The following SHTN1 variants were observed in gnomAD, a reference collection of about 807,000 sequenced individuals.
SHTN1 encodes the protein shootin-1.
SHTN1 carries 42 observed loss-of-function variants against 83.1 expected under a neutral mutation model. The ratio of observed to expected loss-of-function variants is 0.51; its 90% CI spans 0.39 to 0.65. The LOEUF (loss-of-function observed/expected upper bound fraction) is 0.65, where lower values mean the gene tolerates loss of function less well. SHTN1 is among the 30% of genes least tolerant of loss of function. The pLI, the probability that SHTN1 is intolerant of heterozygous loss-of-function variation, is 0.00. For missense variants in SHTN1, 622 were observed against 737.8 expected (o/e 0.84, Z 1.82); for synonymous variants, 224 against 247.7 (o/e 0.90, Z 0.90).
At chr10:117,053,694 T>C (rs113647395) in intron 1 of SHTN1, among the ~76,000 whole-genome samples, 3,618 of 152,342 alleles carry the variant, frequency 0.024, 136 homozygotes, top group African/African-American at 0.079. Context: ...GAAAACAGTT[T>C]GGTAGTTCCT....
intron 1 of SHTN1, among the ~76,000 whole-genome samples, chr10:116,979,680 C>G (rs1408903836): frequency 6.6e-6 from 1 of 152,200 alleles, no homozygotes. Flanking sequence ...ACCCATGATC[C>G]AGGAGAGGTG....
At chr10:116,919,821 A>G (rs1848490147) in intron 12 of SHTN1, among the ~76,000 whole-genome samples, 1 of 151,552 alleles carries the variant, frequency 6.6e-6, no homozygotes, top group African/African-American at 2.4e-5. Flanking sequence ...GTGCAGAGGA[A>G]TAGATTCCAA....
intron 1 of SHTN1, among the ~76,000 whole-genome samples, chr10:117,063,908 A>G (rs1388719513): frequency 2.0e-5 from 3 of 152,102 alleles, no homozygotes; most frequent in Non-Finnish European, 4.4e-5. Flanking sequence ...CTTTTTTTCT[A>G]AACAAGAACT....
In SHTN1 at chr10:116,954,082, G is replaced by T; in HGVS notation, c.396C>A (p.Ala132=). The T allele has an allele frequency of 6.2e-7, 1 of 1,613,288 alleles. No homozygotes were observed. The highest frequency in any genetic ancestry group is 8.5e-7 in the Non-Finnish European group (1 of 1,179,746). Reference sequence around the variant, plus strand: ...GACACTGTACTGAGACACAAGTCTCGGCGGCACCGTCTGTGTCTGTAGTCG... The same window carrying T: ...GACACTGTACTGAGACACAAGTCTCTGCGGCACCGTCTGTGTCTGTAGTCG... ...EDSTTDTDGA[A]ETCVSVQCQK... Residue 132 remains alanine (A), a synonymous_variant, in exon 5 of 17, where the codon GCC becomes GCA. Coordinates refer to ENST00000355371, the MANE Select transcript of SHTN1 (RefSeq NM_001127211.3).
At chr10:116,935,938 T>C (rs1849142522) in intron 9 of SHTN1, among the ~76,000 whole-genome samples, 1 of 152,246 alleles carries the variant, frequency 6.6e-6, no homozygotes, top group African/African-American at 2.4e-5. Flanking sequence ...TTCTAGATTT[T>C]CTAGTTTATT....
chr10:117,013,062 C>A (rs1852132639), intron 2 of SHTN1, among the ~76,000 whole-genome samples: 1 of 151,438 alleles, frequency 6.6e-6, no homozygotes. Flanking sequence ...AGAACAAGAC[C>A]CCATCTCTAA....
chr10:116,979,248 G>A lies in SHTN1; in HGVS notation c.111+8C>T, dbSNP rs901497010. The A allele has an allele frequency of 6.2e-6, 10 of 1,612,442 alleles. No individual in the cohort carries two copies. The highest frequency in any genetic ancestry group is 8.5e-6 in the Non-Finnish European group (10 of 1,178,510). ...TAAGAAAGGGGAAAAAAAAGGTAAA[G>A]TACAAACCTTCTCCTTTGTTTTCTG... On this transcript the variant is annotated splice_region_variant and intron_variant, in intron 2 of 16. Coordinates refer to ENST00000355371, the MANE Select transcript of SHTN1 (RefSeq NM_001127211.3).
intron 8 of SHTN1, among the ~76,000 whole-genome samples, chr10:116,942,449 T>C (rs555173270): frequency 2.4e-4 from 37 of 152,132 alleles, no homozygotes; most frequent in African/African-American, 6.7e-4. Context: ...CTGGCCTCAA[T>C]TGATCCCCCC....
At chr10:117,064,405 C>A (rs1208133779) in intron 1 of SHTN1, among the ~76,000 whole-genome samples, 1 of 152,208 alleles carries the variant, frequency 6.6e-6, no homozygotes, top group African/African-American at 2.4e-5. Context: ...CCCGTAATCC[C>A]GGCACTTTGG....
Position 116,885,185 on chromosome 10 carries a change from C to A in SHTN1, c.*1159G>T, listed in dbSNP as rs1436605609. The A allele has an allele frequency of 6.6e-6, 1 of 152,596 alleles. No homozygotes were observed. Among genetic ancestry groups the A allele is most frequent in the African/African-American group, 2.4e-5 (1 of 41,460 alleles). 9.5% of individuals were successfully genotyped at this position (152,596 alleles called of 1,614,324 possible). On this transcript the variant is annotated 3_prime_UTR_variant, in exon 17 of 17. Transcript: ENST00000355371. ...TTTTCTTTTGCCCTTAGGTGAAAAA[C>A]ACCTGACAGCTACATGCTGAGCCAT...
intron 8 of SHTN1, among the ~76,000 whole-genome samples, chr10:116,943,654 C>T (rs905175366): frequency 1.3e-5 from 2 of 152,184 alleles, no homozygotes; most frequent in Admixed American, 6.5e-5. Context: ...CCTAAACCTT[C>T]GGTAGAGTTC....
upstream of SHTN1, chr10:117,005,309 C>T: frequency 1.4e-6 from 2 of 1,394,840 alleles, no homozygotes; most frequent in Non-Finnish European, 1.9e-6. Context: ...GCGGGCCCAG[C>T]AGTCCCGTTC....
intron 2 of SHTN1, among the ~76,000 whole-genome samples, chr10:117,014,133 T>C (rs1439503250): frequency 6.6e-6 from 1 of 151,802 alleles, no homozygotes; most frequent in African/African-American, 2.4e-5. Context: ...CTACCAGGGG[T>C]TGAGGACGAA....
rs1337896333 is a variant in SHTN1, at chr10:116,882,998, A to ATC, written c.*3345_*3346insGA. 2.0e-5 allele frequency: 3 copies of ATC among 152,018 alleles called. No homozygotes were observed. The highest frequency in any genetic ancestry group is 4.4e-5 in the Non-Finnish European group (3 of 68,026). The allele number at this position is 152,018 out of a possible 1,614,324, so 9.4% of individuals were successfully genotyped here. ...CACACACACACACACACACACACAC[A>ATC]CATCATGAGACTATGCCCTGGAACA... On this transcript the variant is annotated 3_prime_UTR_variant, in exon 17 of 17. Transcript: ENST00000355371.
chr10:116,947,660 T>A (rs537707756), intron 7 of SHTN1, among the ~76,000 whole-genome samples: 1 of 152,150 alleles, frequency 6.6e-6, no homozygotes. Flanking sequence ...CAGAACACTA[T>A]AATAAAAAGG....
At chr10:117,054,158 C>T (rs891014172) in intron 1 of SHTN1, among the ~76,000 whole-genome samples, 1 of 152,118 alleles carries the variant, frequency 6.6e-6, no homozygotes, top group African/African-American at 2.4e-5. Flanking sequence ...AATTCCCTGC[C>T]ACCATGGAAG....
At chr10:117,117,607 A>G (rs571814345) in intron 1 of SHTN1, among the ~76,000 whole-genome samples, 86 of 152,314 alleles carry the variant, frequency 5.6e-4, no homozygotes, top group African/African-American at 1.9e-3. Context: ...AAAAAGAACA[A>G]TACTGGAGGC....
chr10:117,040,059 T>G (rs1772842974), intron 2 of SHTN1, among the ~76,000 whole-genome samples: 1 of 152,118 alleles, frequency 6.6e-6, no homozygotes, highest in African/African-American at 2.4e-5. Context: ...AATAGAGAGC[T>G]GTACAATATT....
At chr10:116,890,303 A>G (rs574991034) in intron 16 of SHTN1, among the ~76,000 whole-genome samples, 3 of 152,334 alleles carry the variant, frequency 2.0e-5, no homozygotes. Context: ...TTTTACAAGT[A>G]TCACTTATAA....
Sources: allele counts gnomAD v4.1 joint callset (sites outside exome capture counted in the v4.1 genomes callset), GRCh38; gene constraint gnomAD v4.1.1; transcripts MANE v1.5; gene names NCBI Gene and HGNC (gene_info 2026-07-23, HGNC 2026-07-21).